Variants in PPP1R9A observed in about 807,000 individuals in gnomAD.
PPP1R9A encodes the protein neurabin-1.
PPP1R9A carries 59 observed loss-of-function variants against 141.9 expected under a neutral mutation model. The observed-to-expected ratio is 0.42, with a 90% CI of 0.34 to 0.52. The LOEUF is 0.52. Among genes scored for constraint, PPP1R9A ranks in the 20% least tolerant of loss-of-function variants. The probability of loss-of-function intolerance (pLI) is 0.10; values close to 1 mark genes in which losing one functional copy is unlikely to be tolerated. For missense variants in PPP1R9A, 1,444 were observed against 1,611.9 expected, an observed-to-expected ratio of 0.90 and a Z score of 1.78; for synonymous variants, 500 against 569.7, an observed-to-expected ratio of 0.88 and a Z score of 1.74.
chr7:94,981,184 A>G (rs2151323315), intron 2 of PPP1R9A, among the ~76,000 whole-genome samples: 1 of 152,254 alleles, frequency 6.6e-6, no homozygotes, highest in Non-Finnish European at 1.5e-5. Context: ...TCTGTTGAGT[A>G]GGGTACCCTT....
intron 4 of PPP1R9A, among the ~76,000 whole-genome samples, chr7:95,148,719 A>C (rs532403539): frequency 6.6e-6 from 1 of 151,810 alleles, no homozygotes; most frequent in Non-Finnish European, 1.5e-5. Flanking sequence ...AACAACCTTC[A>C]AAAAGAGAGA....
At chr7:94,980,298 T>A (rs1428173686) in intron 2 of PPP1R9A, among the ~76,000 whole-genome samples, 1 of 152,042 alleles carries the variant, frequency 6.6e-6, no homozygotes, top group Non-Finnish European at 1.5e-5. Flanking sequence ...GGGCCACAGG[T>A]TGGACAAGCT....
At chr7:95,032,372 A>T (rs926464653) in intron 2 of PPP1R9A, among the ~76,000 whole-genome samples, 88 of 151,402 alleles carry the variant, frequency 5.8e-4, no homozygotes, top group Middle Eastern at 3.4e-3. Flanking sequence ...TTTTTTTTTT[A>T]AATTGAATGA....
At chr7:95,128,941 GGTGTTTCCTAGGTTTTC>G (rs1200441165) in intron 4 of PPP1R9A, among the ~76,000 whole-genome samples, 3 of 152,100 alleles carry the variant, frequency 2.0e-5, no homozygotes, top group Non-Finnish European at 4.4e-5. Context: ...TGTCCTGAAT[GGTGTTTCCTAGGTTTTC>G]GTCTATGATT....
chr7:95,138,732 A>G (rs1826116284), intron 4 of PPP1R9A, among the ~76,000 whole-genome samples: 1 of 152,250 alleles, frequency 6.6e-6, no homozygotes, highest in Admixed American at 6.5e-5. Flanking sequence ...TGGAAAACTT[A>G]TGACTGGCCA....
Position 95,155,887 on chromosome 7 carries a change from A to G in PPP1R9A, c.1650-5980A>G, listed in dbSNP as rs531070465. ...ATTATTTTGGGGATTATCTTTTTTAATAGTTGAAAATATTAGAATTTTCCA... is the reference window on the plus strand; with the variant it reads ...ATTATTTTGGGGATTATCTTTTTTAGTAGTTGAAAATATTAGAATTTTCCA... On this transcript the variant is annotated intron_variant, in intron 4 of 19. Coordinates refer to ENST00000433360, the MANE Select transcript of PPP1R9A (RefSeq NM_001166160.2). 1.2e-4 allele frequency: 19 copies of G among 152,336 alleles called. No individual in the cohort carries two copies. The South Asian group carries it at 3.9e-3, about 32-fold the overall frequency. 9.4% of individuals were successfully genotyped at this position (152,336 alleles called of 1,614,324 possible). A position where few individuals can be genotyped will look rare whatever the true frequency, so the allele number is the denominator to read the frequency against.
intron 2 of PPP1R9A, among the ~76,000 whole-genome samples, chr7:95,062,008 C>T (rs1206826836): frequency 6.6e-6 from 1 of 152,184 alleles, no homozygotes; most frequent in East Asian, 1.9e-4. Flanking sequence ...AATTAAACCA[C>T]TCAGGCAGTG....
chr7:95,028,065 C>T (rs1317697010), intron 2 of PPP1R9A, among the ~76,000 whole-genome samples: 1 of 152,108 alleles, frequency 6.6e-6, no homozygotes, highest in African/African-American at 2.4e-5. Context: ...CCTCACTTTT[C>T]TCAACCATAA....
In PPP1R9A at chr7:95,234,561, C is replaced by T. The variant is rs187590149; in HGVS notation, c.2112+8445C>T. ...AACAAATGGAAACACATTCCATGCTCATGGATGGGTAGAATCAATATTGTG... is the reference window on the plus strand; with the variant it reads ...AACAAATGGAAACACATTCCATGCTTATGGATGGGTAGAATCAATATTGTG... On this transcript the variant is annotated intron_variant, in intron 8 of 19. Coordinates refer to ENST00000433360, the MANE Select transcript of PPP1R9A (RefSeq NM_001166160.2). Among the ~76,000 whole-genome samples, 26 of 152,284 alleles carry T rather than the reference C, an allele frequency of 1.7e-4. No individual in the cohort carries two copies. The East Asian group carries it at 4.1e-3, about 24-fold the overall frequency.
At chr7:95,023,616 C>T (rs537083969) in intron 2 of PPP1R9A, among the ~76,000 whole-genome samples, 397 of 152,056 alleles carry the variant, frequency 2.6e-3, no homozygotes, top group Non-Finnish European at 3.7e-3. Context: ...TGCAGTGGCG[C>T]GATCTTGGCT....
At chr7:95,223,902 C>A (rs1294890332) in intron 7 of PPP1R9A, among the ~76,000 whole-genome samples, 1 of 151,834 alleles carries the variant, frequency 6.6e-6, no homozygotes, top group Non-Finnish European at 1.5e-5. Flanking sequence ...ACTTGCCAGT[C>A]TTGCTGCATT....
rs577334497 is a variant in PPP1R9A at position 94,921,364 on chromosome 7, G to C, written c.1395+9856G>C. Reference sequence around the variant, plus strand: ...CGGGAGGCTGAGGCAGGAGAATGGCGTGAACCCGGGAGGCGGAAGTTGCAG... The same window carrying C: ...CGGGAGGCTGAGGCAGGAGAATGGCCTGAACCCGGGAGGCGGAAGTTGCAG... On this transcript the variant is annotated intron_variant, in intron 2 of 19. Transcript: ENST00000433360. 3.3e-4 allele frequency among the ~76,000 whole-genome samples: 50 copies of C among 151,528 alleles called. 1 individual carries two copies. Among genetic ancestry groups the C allele is most frequent in the African/African-American group, 1.2e-3 (48 of 41,292 alleles).
Position 95,274,124 on chromosome 7 carries a change from G to A in PPP1R9A, c.3252G>A (p.Trp1084Ter), listed in dbSNP as rs759580698. 1 of 1,583,266 alleles carries A rather than the reference G, an allele frequency of 6.3e-7. No homozygotes were observed. Among genetic ancestry groups the A allele is most frequent in the South Asian group, 1.1e-5 (1 of 88,280 alleles). The change falls in exon 16 of 20, where the codon TGG becomes TGA. Residue 1084 changes from tryptophan (W) to a stop codon, truncating the protein, a stop_gained. Transcript: ENST00000433360. LOFTEE classifies it high-confidence loss of function. ...LRRNSSKGKKWKEKEKEASRF... is the reference protein window; with the variant it reads ...LRRNSSKGKK ...GGAATTCCAGCAAGGGAAAGAAGTG[G>A]AAAGAAAAAGAAAAAGAAGCCAGTA... is the stretch of plus-strand genomic sequence containing the variant.
At chr7:95,154,289 G>A (rs186602054) in intron 4 of PPP1R9A, among the ~76,000 whole-genome samples, 135 of 152,062 alleles carry the variant, frequency 8.9e-4, no homozygotes, top group African/African-American at 2.9e-3. Context: ...TTGTTCAGGA[G>A]CATAGTTTTA....
intron 8 of PPP1R9A, among the ~76,000 whole-genome samples, chr7:95,237,475 C>A (rs1433424437): frequency 1.3e-5 from 2 of 151,874 alleles, no homozygotes; most frequent in African/African-American, 4.8e-5. Flanking sequence ...GGATTACAGG[C>A]ATGAGCCACC....
At chr7:95,189,922 G>T (rs1434782299) in intron 5 of PPP1R9A, among the ~76,000 whole-genome samples, 1 of 151,888 alleles carries the variant, frequency 6.6e-6, no homozygotes, top group Admixed American at 6.6e-5. Context: ...TATGGTATCT[G>T]TTTTTCTGGA....
chr7:94,999,778 T>C lies in PPP1R9A; in HGVS notation c.1395+88270T>C, dbSNP rs1448734410. On this transcript the variant is annotated intron_variant, in intron 2 of 19. Transcript: ENST00000433360. ...ACCAAAACCAGCTGAGATATCTTAT[T>C]TTATTTATTTATTTATTTATTTATT... 9.7e-5 allele frequency among the ~76,000 whole-genome samples: 3 copies of C among 31,026 alleles called. No homozygotes were observed. In the East Asian group the frequency reaches 5.0e-3, roughly 51 times the overall value. The allele number at this position is 31,026 out of a possible 152,430, so 20.4% of individuals were successfully genotyped here.
chr7:94,988,589 T>C (rs1039502648), intron 2 of PPP1R9A, among the ~76,000 whole-genome samples: 2 of 152,040 alleles, frequency 1.3e-5, no homozygotes, highest in Non-Finnish European at 2.9e-5. Context: ...CTGAATTATG[T>C]AGGTATTTAC....
chr7:94,953,340 C>G (rs868654061), intron 2 of PPP1R9A, among the ~76,000 whole-genome samples: 1 of 150,654 alleles, frequency 6.6e-6, no homozygotes, highest in South Asian at 2.1e-4. Context: ...GTAGCAGTAC[C>G]ATGCTGTTTT....
Sources: allele counts gnomAD v4.1 joint callset (sites outside exome capture counted in the v4.1 genomes callset), GRCh38; gene constraint gnomAD v4.1.1; transcripts MANE v1.5; gene names NCBI Gene and HGNC (gene_info 2026-07-23, HGNC 2026-07-21).